Variants in TDRD12 observed in about 807,000 individuals in gnomAD.
The protein encoded by TDRD12 is tudor domain containing 12.
Under a neutral mutation model 133.5 loss-of-function variants are expected in TDRD12, and 158 were observed. The observed-to-expected ratio is 1.18, with a 90% confidence interval of 1.04 to 1.35. The LOEUF is 1.35. Among genes scored for constraint, TDRD12 ranks in the 40% most tolerant of loss-of-function variants. TDRD12 has a pLI of 0.00. For synonymous variants in TDRD12, 460 were observed against 477.9 expected (o/e 0.96, Z 0.49); for missense variants, 1,443 against 1,321.3 (o/e 1.09, Z -1.43).
chr19:32,809,599 G>A (rs1012921645), intron 22 of TDRD12, among the ~76,000 whole-genome samples: 1 of 152,166 alleles, frequency 6.6e-6, no homozygotes, highest in African/African-American at 2.4e-5. Flanking sequence ...CCTGTGAAGG[G>A]CTGTCTTCTC....
intron 8 of TDRD12, among the ~76,000 whole-genome samples, chr19:32,772,509 G>T (rs1039479962): frequency 6.6e-6 from 1 of 152,130 alleles, no homozygotes; most frequent in Non-Finnish European, 1.5e-5. Flanking sequence ...AAATACTATT[G>T]TGTTCCGTTA....
intron 11 of TDRD12, among the ~76,000 whole-genome samples, chr19:32,788,122 T>C (rs963696946): frequency 2.0e-5 from 3 of 151,890 alleles, no homozygotes; most frequent in African/African-American, 7.3e-5. Flanking sequence ...CTTTTTTTTT[T>C]CTTTTTTTTT....
At chr19:32,739,330 C>T (rs919237296) in intron 3 of TDRD12, among the ~76,000 whole-genome samples, 1 of 95,510 alleles carries the variant, frequency 1.0e-5, no homozygotes, top group East Asian at 6.1e-4. Context: ...TCTGCATCTC[C>T]TGGCTACTCT....
chr19:32,784,386 G>A (rs1455658393), intron 11 of TDRD12, among the ~76,000 whole-genome samples: 1 of 152,148 alleles, frequency 6.6e-6, no homozygotes, highest in Non-Finnish European at 1.5e-5. Context: ...GCTGGATTCG[G>A]TTTGCCAGTA....
exon 21 of TDRD12, chr19:32,802,989 G>T (rs1304383035): frequency 1.3e-6 from 2 of 1,536,022 alleles, no homozygotes; most frequent in African/African-American, 2.7e-5. Context: ...AAAGATGCGA[G>T]CCATGCGGTG....
At chr19:32,800,314 A>C (rs1423695575) in exon 17 of TDRD12, 2 of 1,526,880 alleles carry the variant, frequency 1.3e-6, no homozygotes, top group Non-Finnish European at 1.7e-6. Flanking sequence ...CTACATTGTG[A>C]TCACAGCCAT....
At chr19:32,798,352 G>T in exon 16 of TDRD12, 2 of 1,535,616 alleles carry the variant, frequency 1.3e-6, no homozygotes, top group Non-Finnish European at 1.7e-6. Flanking sequence ...GAGGCTTCTC[G>T]CCTGTCAGAG....
chr19:32,806,343 T>TG (rs1337797461), intron 21 of TDRD12, among the ~76,000 whole-genome samples: 1 of 148,480 alleles, frequency 6.7e-6, no homozygotes, highest in Non-Finnish European at 1.5e-5. Context: ...CCGAGTTTTT[T>TG]TTTTTTTTTT....
chr19:32,722,437 T>C (rs1271179612), intron 1 of TDRD12, among the ~76,000 whole-genome samples: 1 of 152,142 alleles, frequency 6.6e-6, no homozygotes, highest in Non-Finnish European at 1.5e-5. Context: ...AATTCTGTCC[T>C]GAATAGGAGT....
intron 6 of TDRD12, among the ~76,000 whole-genome samples, chr19:32,751,429 C>A (rs1969824395): frequency 6.6e-6 from 1 of 152,208 alleles, no homozygotes; most frequent in Admixed American, 6.5e-5. Flanking sequence ...TAATAAGTAT[C>A]TTGTGGGGGC....
chr19:32,824,101 GCTCCTGCT>G (rs1156360669), downstream of TDRD12: 1 of 152,422 alleles, frequency 6.6e-6, no homozygotes, highest in African/African-American at 2.4e-5. Context: ...TCATCTCTGG[GCTCCTGCT>G]CAGGTTCAGG....
intron 4 of TDRD12, among the ~76,000 whole-genome samples, chr19:32,746,874 C>CTG (rs200638751): frequency 4.3e-4 from 58 of 135,746 alleles, no homozygotes; most frequent in Middle Eastern, 5.2e-3. Flanking sequence ...TGTGGTTATT[C>CTG]TGTGTGTGTG....
intron 8 of TDRD12, among the ~76,000 whole-genome samples, chr19:32,770,889 C>T (rs989365464): frequency 6.6e-6 from 1 of 152,112 alleles, no homozygotes; most frequent in African/African-American, 2.4e-5. Flanking sequence ...TATTATTGTA[C>T]TACTGGTTTA....
rs1473336264 is a variant in TDRD12 at position 32,757,132 on chromosome 19, T to C, written c.865+2T>C. ...TCAGGCCAACAGCCACAGCACAGGG[T>C]GAGTTCTGCTAATGTGGTTTATTTC... On this transcript the variant is annotated splice_donor_variant, in intron 8 of 27. Transcript: ENST00000444215. LOFTEE classifies it high-confidence loss of function. 1.9e-6 allele frequency: 3 copies of C among 1,549,778 alleles called. No homozygotes were observed. The highest frequency in any genetic ancestry group is 2.6e-6 in the Non-Finnish European group (3 of 1,145,302).
chr19:32,772,861 A>T lies in TDRD12; in HGVS notation c.963+11A>T, dbSNP rs950399299. The T allele has an allele frequency of 1.1e-5, 15 of 1,385,104 alleles. No individual in the cohort carries two copies. The highest frequency in any genetic ancestry group is 1.6e-5 in the South Asian group (1 of 62,974). 85.8% of individuals were successfully genotyped at this position (1,385,104 alleles called of 1,614,324 possible). On this transcript the variant is annotated intron_variant, in intron 9 of 27. Transcript: ENST00000444215. ...AAAGATACAAATAAGGTTGTATTTT[A>T]AAAATGTTCTTTAAATACAAAGTTC...
At chr19:32,820,664 G>A (rs1159272271) in intron 27 of TDRD12, among the ~76,000 whole-genome samples, 1 of 152,168 alleles carries the variant, frequency 6.6e-6, no homozygotes. Context: ...GCCCAAACTG[G>A]TAACAGGGGT....
At chr19:32,816,074 T>G (rs1276195186) in intron 26 of TDRD12, among the ~76,000 whole-genome samples, 1 of 152,200 alleles carries the variant, frequency 6.6e-6, no homozygotes. Flanking sequence ...GACCAAGATT[T>G]TGGAAATCTA....
chr19:32,723,667 C>CAA (rs11417872), intron 1 of TDRD12, among the ~76,000 whole-genome samples: 1,008 of 98,474 alleles, frequency 0.01, 7 homozygotes, highest in African/African-American at 0.028. Context: ...CTGAGTCTAC[C>CAA]AAAAAAAAAA....
chr19:32,808,074 A>T (rs1054219188), intron 22 of TDRD12, among the ~76,000 whole-genome samples: 1 of 152,188 alleles, frequency 6.6e-6, no homozygotes, highest in South Asian at 2.1e-4. Context: ...CAGATTTTTT[A>T]AAAAATAATG....
Sources: allele counts gnomAD v4.1 joint callset (sites outside exome capture counted in the v4.1 genomes callset), GRCh38; gene constraint gnomAD v4.1.1; transcripts MANE v1.5; gene names NCBI Gene and HGNC (gene_info 2026-07-23, HGNC 2026-07-21).